SUB1: variants seen among roughly 807,000 people sequenced by gnomAD.
SUB1 encodes the protein SUB1 regulator of transcription.
A neutral mutation model predicts 16.9 loss-of-function variants in SUB1; 1 was observed. The ratio of observed to expected loss-of-function variants is 0.06; its 90% CI spans 0.02 to 0.28. The LOEUF is 0.28. Among genes scored for constraint, SUB1 ranks in the 10% least tolerant of loss-of-function variants. SUB1 has a pLI of 1.00. For missense variants in SUB1, 84 were observed against 145.2 expected, an observed-to-expected ratio of 0.58 and a Z score of 2.16; for synonymous variants, 51 against 46.9, an observed-to-expected ratio of 1.09 and a Z score of -0.36.
At chr5:32,595,139 C>T (rs2111672943) in intron 3 of SUB1, 1 of 151,664 alleles carries the variant, frequency 6.6e-6, no homozygotes, top group Non-Finnish European at 1.5e-5. Flanking sequence ...GTCAGTTTTA[C>T]TCTTTTTTTC....
rs545629872 is a variant in SUB1, at chr5:32,603,504, T to C, written c.*2420T>C. ...TAAAATGTGAGTAGCATTTGACCAATTTCCAGTGCTCTTAGCATTTTACTT... is the reference window on the plus strand; with the variant it reads ...TAAAATGTGAGTAGCATTTGACCAACTTCCAGTGCTCTTAGCATTTTACTT... On this transcript the variant is annotated 3_prime_UTR_variant, in exon 5 of 5. Transcript: ENST00000265073. The C allele has an allele frequency of 6.6e-6, 1 of 152,300 alleles. No individual in the cohort carries two copies. The highest frequency in any genetic ancestry group is 1.9e-4 in the East Asian group (1 of 5,186). 9.4% of individuals were successfully genotyped at this position (152,300 alleles called of 1,614,324 possible).
chr5:32,590,032 C>T (rs1738778215), intron 2 of SUB1, among the ~76,000 whole-genome samples: 1 of 152,078 alleles, frequency 6.6e-6, no homozygotes, highest in Non-Finnish European at 1.5e-5. Flanking sequence ...AATTTGCACC[C>T]TATATAGTAT....
intron 3 of SUB1, among the ~76,000 whole-genome samples, chr5:32,592,413 A>T (rs1001465498): frequency 1.3e-5 from 2 of 152,206 alleles, no homozygotes; most frequent in African/African-American, 4.8e-5. Flanking sequence ...GACTTGATGA[A>T]ATCACCTAGA....
intron 2 of SUB1, among the ~76,000 whole-genome samples, chr5:32,589,950 A>G (rs1048349238): frequency 1.3e-5 from 2 of 152,152 alleles, no homozygotes; most frequent in African/African-American, 4.8e-5. Flanking sequence ...GTATAAATAT[A>G]GAATATAACA....
At chr5:32,597,360 A>C (rs1313675570) in intron 3 of SUB1, 1 of 152,074 alleles carries the variant, frequency 6.6e-6, no homozygotes, top group Non-Finnish European at 1.5e-5. Flanking sequence ...TATTTCATTG[A>C]CGTAGTATGT....
chr5:32,600,923 A>G lies in SUB1; in HGVS notation c.305-82A>G. ...CCCAGCCTAAAGTGGCAATTTTGAT[A>G]AAACAGTATTCTAGTTGGAAGTATG... On this transcript the variant is annotated intron_variant, in intron 4 of 4. Transcript: ENST00000265073. The G allele has an allele frequency of 8.9e-6, 12 of 1,354,508 alleles. No homozygotes were observed. The Middle Eastern group carries it at 5.5e-4, about 62-fold the overall frequency. The allele number at this position is 1,354,508 out of a possible 1,614,324, so 83.9% of individuals were successfully genotyped here. A position where few individuals can be genotyped will look rare whatever the true frequency, so the allele number is the denominator to read the frequency against.
At chr5:32,591,345 CT>C in intron 2 of SUB1, 1 of 503,280 alleles carries the variant, frequency 2.0e-6, no homozygotes, top group Non-Finnish European at 3.1e-6. Flanking sequence ...CCTGAAGTGT[CT>C]TTTGGGATCC....
chr5:32,588,901 C>G (rs918030141), intron 2 of SUB1, among the ~76,000 whole-genome samples: 1 of 152,108 alleles, frequency 6.6e-6, no homozygotes, highest in Non-Finnish European at 1.5e-5. Context: ...CTAGAAGTGC[C>G]TAGGATGCTT....
chr5:32,600,891 C>T (rs1176262573), intron 4 of SUB1, 114 bp from the exon 5 acceptor site: 12 of 886,238 alleles, frequency 1.4e-5, no homozygotes, highest in African/African-American at 3.4e-5. Flanking sequence ...AGGTGTGAGC[C>T]ACCGCGCCCA....
chr5:32,592,302 T>C (rs1392696930), intron 3 of SUB1, among the ~76,000 whole-genome samples: 1 of 152,146 alleles, frequency 6.6e-6, no homozygotes, highest in East Asian at 1.9e-4. Flanking sequence ...TAGATTATTA[T>C]GGGACAGGAA....
At chr5:32,590,658 C>T (rs935099650) in intron 2 of SUB1, among the ~76,000 whole-genome samples, 1 of 151,138 alleles carries the variant, frequency 6.6e-6, no homozygotes. Flanking sequence ...TGTAATGGCG[C>T]GATCTCGGCT....
rs1561039375 is a variant in SUB1 at position 32,602,538 on chromosome 5, C to G, written c.*1454C>G. On this transcript the variant is annotated 3_prime_UTR_variant, in exon 5 of 5. Coordinates refer to ENST00000265073, the MANE Select transcript of SUB1 (RefSeq NM_006713.4). ...CACTATTTTGCTACCAAGTTTGATT[C>G]ATACATCTAAAACATTTTGTAGTTA... 5.8e-6 allele frequency: 1 copy of G among 171,954 alleles called. No individual in the cohort carries two copies. Among genetic ancestry groups the G allele is most frequent in the Non-Finnish European group, 1.3e-5 (1 of 79,000 alleles). The allele number at this position is 171,954 out of a possible 1,614,324, so 10.7% of individuals were successfully genotyped here.
chr5:32,600,764 C>T (rs539683416), intron 4 of SUB1, among the ~76,000 whole-genome samples: 160 of 152,006 alleles, frequency 1.1e-3, no homozygotes, highest in African/African-American at 2.4e-3. Context: ...CCACCATGCC[C>T]GGCTAATTTT....
chr5:32,587,966 A>G (rs1738716203), intron 1 of SUB1, among the ~76,000 whole-genome samples: 1 of 152,156 alleles, frequency 6.6e-6, no homozygotes, highest in Admixed American at 6.5e-5. Flanking sequence ...TTTTGGTGAT[A>G]CGGCCAAAAA....
chr5:32,593,047 C>T (rs1423423807), intron 3 of SUB1, among the ~76,000 whole-genome samples: 1 of 152,072 alleles, frequency 6.6e-6, no homozygotes, highest in East Asian at 1.9e-4. Context: ...GGTCTCTGCT[C>T]TGTCACCCAG....
chr5:32,592,681 T>C (rs562810361), intron 3 of SUB1, among the ~76,000 whole-genome samples: 2 of 152,120 alleles, frequency 1.3e-5, no homozygotes, highest in Non-Finnish European at 2.9e-5. Flanking sequence ...AGGCAGTCAG[T>C]GAAGATGTGG....
chr5:32,594,349 C>T (rs1738903064), intron 3 of SUB1, among the ~76,000 whole-genome samples: 1 of 152,150 alleles, frequency 6.6e-6, no homozygotes, highest in Non-Finnish European at 1.5e-5. Flanking sequence ...GTACCTGTGT[C>T]TTGAAAGGTC....
chr5:32,602,804 A>G lies in SUB1; in HGVS notation c.*1720A>G, dbSNP rs577556301. 9.8e-5 allele frequency: 15 copies of G among 152,482 alleles called. No homozygotes were observed. Among genetic ancestry groups the G allele is most frequent in the African/African-American group, 3.6e-4 (15 of 41,584 alleles). 9.4% of individuals were successfully genotyped at this position (152,482 alleles called of 1,614,324 possible). A position where few individuals can be genotyped will look rare whatever the true frequency, so the allele number is the denominator to read the frequency against. ...CAGCCCCTTGAACCAGAGTAGGTTC[A>G]GAGAAACTCCCAAAGTTTGTACTTT... On this transcript the variant is annotated 3_prime_UTR_variant, in exon 5 of 5. Transcript: ENST00000265073.
chr5:32,594,130 G>A, intron 3 of SUB1, among the ~76,000 whole-genome samples: 1 of 152,160 alleles, frequency 6.6e-6, no homozygotes, highest in Non-Finnish European at 1.5e-5. Context: ...ATGTATTAAA[G>A]AGTTGTACCA....
Sources: allele counts gnomAD v4.1 joint callset (sites outside exome capture counted in the v4.1 genomes callset), GRCh38; gene constraint gnomAD v4.1.1; transcripts MANE v1.5; gene names NCBI Gene and HGNC (gene_info 2026-07-23, HGNC 2026-07-21).